Variants in ALK observed in about 807,000 individuals in gnomAD.
ALK encodes the protein ALK receptor tyrosine kinase.
ALK carries 74 observed loss-of-function variants against 163.1 expected under a neutral mutation model. That is an observed-to-expected ratio of 0.45 (90% CI 0.38 to 0.55). ALK has a LOEUF of 0.55. ALK is among the 20% of genes least tolerant of loss of function. The pLI is 0.00. For missense variants in ALK, 2,063 were observed against 2,105.3 expected (o/e 0.98, Z 0.39); for synonymous variants, 960 against 843.2 (o/e 1.14, Z -2.40).
chr2:29,414,311 G>A (rs960978188), intron 4 of ALK, among the ~76,000 whole-genome samples: 10 of 152,164 alleles, frequency 6.6e-5, no homozygotes, highest in Admixed American at 6.5e-4. Context: ...GAAATAGTGT[G>A]ACTTAAAAAT....
rs79866454 is a variant in ALK, at chr2:29,441,100, A to G, written c.1155-57241T>C. ...ATCAGGCTCCAGCATTGCTCACCTG[A>G]ACACTGTAAGAGGTAGTGCTGGCAC... On this transcript the variant is annotated intron_variant, in intron 4 of 28. Transcript: ENST00000389048. Among the ~76,000 whole-genome samples the G allele has an allele frequency of 7.0e-3, 1,062 of 152,310 alleles. 23 individuals carry two copies. The highest frequency in any genetic ancestry group is 0.025 in the African/African-American group (1,026 of 41,566).
At chr2:29,477,371 C>G (rs1671553703) in intron 4 of ALK, among the ~76,000 whole-genome samples, 1 of 152,164 alleles carries the variant, frequency 6.6e-6, no homozygotes, top group Non-Finnish European at 1.5e-5. Context: ...TAAATGGCAA[C>G]ACTTGGCTCT....
At position 29,571,658 on chromosome 2, in the gene ALK, C is replaced by T. The variant is rs1674378082; in HGVS notation, c.953-39542G>A. Among the ~76,000 whole-genome samples, 3 of 106,788 alleles carry T rather than the reference C, an allele frequency of 2.8e-5. No individual in the cohort carries two copies. In the South Asian group the frequency reaches 8.2e-4, roughly 29 times the overall value. 70.1% of individuals were successfully genotyped at this position (106,788 alleles called of 152,430 possible). On this transcript the variant is annotated intron_variant, in intron 3 of 28. Coordinates refer to ENST00000389048, the MANE Select transcript of ALK (RefSeq NM_004304.5). ...TTGAGATGTTGTCTCATTTTGTCGC[C>T]CAGGCTAGAGTGCAGTGGCATGCTC... is the stretch of plus-strand genomic sequence containing the variant.
At position 29,920,261 on chromosome 2, in the gene ALK, G is replaced by C. The variant is rs746910016; in HGVS notation, c.399C>G (p.Arg133=). The change falls in exon 1 of 29, where the codon CGC becomes CGG. Residue 133 remains arginine (R), a synonymous_variant. Transcript: ENST00000389048. ...CCAACTGCTTGGCACGCCGGAGCTT[G>C]CGCACGGAGCCGCCCTTCAGCACCC... ...LSRVLKGGSV[R]KLRRAKQLVL... is the part of the protein sequence containing the mutation. 1 of 1,601,860 alleles carries C rather than the reference G, an allele frequency of 6.2e-7. No individual in the cohort carries two copies.
intron 1 of ALK, among the ~76,000 whole-genome samples, chr2:29,855,489 T>G (rs1043484120): frequency 1.1e-4 from 17 of 152,124 alleles, no homozygotes; most frequent in African/African-American, 4.1e-4. Flanking sequence ...GATATGAAAA[T>G]GTAAAGATGA....
chr2:29,674,253 A>G (rs909794757), intron 3 of ALK, among the ~76,000 whole-genome samples: 57 of 151,462 alleles, frequency 3.8e-4, no homozygotes, highest in Non-Finnish European at 5.2e-4. Context: ...GTCTTGTGCC[A>G]GTTTTCAAAG....
chr2:29,480,192 T>C (rs562078099), intron 4 of ALK, among the ~76,000 whole-genome samples: 1 of 152,220 alleles, frequency 6.6e-6, no homozygotes, highest in South Asian at 2.1e-4. Context: ...ACAGGAAAAG[T>C]ACAGTCTCAT....
At chr2:29,404,672 G>A (rs189222729) in intron 4 of ALK, among the ~76,000 whole-genome samples, 61 of 152,334 alleles carry the variant, frequency 4.0e-4, no homozygotes, top group African/African-American at 1.2e-3. Context: ...AGGCATTGTA[G>A]TAAGTACTGG....
chr2:29,816,993 T>C (rs1461081872), intron 1 of ALK, among the ~76,000 whole-genome samples: 1 of 152,196 alleles, frequency 6.6e-6, no homozygotes, highest in Non-Finnish European at 1.5e-5. Context: ...TTAAGTGCTT[T>C]GTGCGTATGA....
chr2:29,916,017 G>T (rs149711856), intron 1 of ALK, among the ~76,000 whole-genome samples: 1 of 152,144 alleles, frequency 6.6e-6, no homozygotes, highest in African/African-American at 2.4e-5. Flanking sequence ...ATGCCCAAAG[G>T]CTCCAGGGTT....
intron 4 of ALK, among the ~76,000 whole-genome samples, chr2:29,422,824 T>A (rs1670048658): frequency 1.3e-5 from 2 of 152,186 alleles, no homozygotes. Flanking sequence ...TAGAAATCTT[T>A]CATCTTAAAA....
chr2:29,914,960 T>C (rs1351266087), intron 1 of ALK, among the ~76,000 whole-genome samples: 3 of 152,194 alleles, frequency 2.0e-5, no homozygotes, highest in Admixed American at 6.5e-5. Flanking sequence ...ATTTACAAAA[T>C]AAAGCAAACA....
intron 1 of ALK, among the ~76,000 whole-genome samples, chr2:29,914,008 A>C (rs984210646): frequency 1.3e-5 from 2 of 152,206 alleles, no homozygotes; most frequent in Non-Finnish European, 2.9e-5. Context: ...ATTCCGCTGT[A>C]ACATCTCTAT....
At chr2:29,882,229 C>T (rs548137797) in intron 1 of ALK, among the ~76,000 whole-genome samples, 4 of 152,048 alleles carry the variant, frequency 2.6e-5, no homozygotes, top group South Asian at 4.2e-4. Flanking sequence ...ACTGTCAGAC[C>T]GGAAAGTTTA....
intron 3 of ALK, among the ~76,000 whole-genome samples, chr2:29,590,315 C>A (rs966899623): frequency 2.0e-5 from 3 of 152,084 alleles, no homozygotes; most frequent in African/African-American, 7.2e-5. Flanking sequence ...AACGGTCTAC[C>A]CAAATCATGC....
Position 29,765,364 on chromosome 2 carries a change from T to C in ALK, c.668-47667A>G, listed in dbSNP as rs148476901. On this transcript the variant is annotated intron_variant, in intron 1 of 28. Coordinates refer to ENST00000389048, the MANE Select transcript of ALK (RefSeq NM_004304.5). ...TTTCTCACTGCCCTATCCCAGCTTC[T>C]CATGAGCTCTCTCCAGGATTGTTGG... is the stretch of plus-strand genomic sequence containing the variant. Among the ~76,000 whole-genome samples the C allele has an allele frequency of 5.0e-4, 76 of 152,330 alleles. 1 individual carries two copies. The highest frequency in any genetic ancestry group is 9.8e-4 in the Non-Finnish European group (67 of 68,024).
chr2:29,742,173 A>G (rs888236611), intron 1 of ALK, among the ~76,000 whole-genome samples: 3 of 152,248 alleles, frequency 2.0e-5, no homozygotes, highest in African/African-American at 7.2e-5. Flanking sequence ...CATCTTGTCC[A>G]AGGCCCTCTT....
chr2:29,290,570 A>G (rs1665996012), intron 9 of ALK, among the ~76,000 whole-genome samples: 3 of 152,194 alleles, frequency 2.0e-5, no homozygotes, highest in Admixed American at 2.0e-4. Context: ...GCTCCTAAAG[A>G]TGAAGCAGGG....
At chr2:29,691,757 G>A (rs1218992749) in intron 3 of ALK, among the ~76,000 whole-genome samples, 1 of 152,142 alleles carries the variant, frequency 6.6e-6, no homozygotes, top group Non-Finnish European at 1.5e-5. Flanking sequence ...GCGATCACAG[G>A]TGGAGGAGGA....
Sources: gnomAD v4.1 joint callset for allele counts (sites outside exome capture counted in the v4.1 genomes callset) on GRCh38, gnomAD v4.1.1 for gene constraint, MANE v1.5 for transcripts, NCBI Gene and HGNC (gene_info 2026-07-23, HGNC 2026-07-21) for gene names.